Variants in ABCA1 observed in about 807,000 individuals in gnomAD.
ABCA1 encodes the protein ATP binding cassette subfamily A member 1, also known as phospholipid-transporting ATPase ABCA1.
A neutral mutation model predicts 262.5 loss-of-function variants in ABCA1; 133 were observed. The ratio of observed to expected loss-of-function variants is 0.51; its 90% confidence interval spans 0.44 to 0.59. The LOEUF is 0.59. Among genes scored for constraint, ABCA1 ranks in the 20% least tolerant of loss-of-function variants. ABCA1 has a pLI of 0.00. For synonymous variants in ABCA1, 1,022 were observed against 1,043.5 expected (o/e 0.98, Z 0.40); for missense variants, 2,452 against 2,777.5 (o/e 0.88, Z 2.63).
chr9:104,786,805 A>G, intron 47 of ABCA1, 68 bp downstream of exon 47: 1 of 1,359,370 alleles, frequency 7.4e-7, no homozygotes, highest in South Asian at 1.2e-5. Flanking sequence ...TTTTTACAAA[A>G]TGATCGCATA....
chr9:104,901,381 G>GACTAGACTACC (rs1840656314), intron 2 of ABCA1, among the ~76,000 whole-genome samples: 1 of 152,058 alleles, frequency 6.6e-6, no homozygotes, highest in African/African-American at 2.4e-5. Flanking sequence ...AAGAGGTTCA[G>GACTAGACTACC]ACTAGACTAC....
At chr9:104,896,711 CTTTTTTTTTTTTTTTTTTT>C (rs56710442) in intron 2 of ABCA1, among the ~76,000 whole-genome samples, 40 of 37,010 alleles carry the variant, frequency 1.1e-3, no homozygotes, top group African/African-American at 3.5e-3. Flanking sequence ...CCCTACACAT[CTTTTTTTTTTTTTTTTTTT>C]TTTTTTTTTT....
chr9:104,888,336 G>A (rs1456663844), intron 3 of ABCA1, among the ~76,000 whole-genome samples: 4 of 152,106 alleles, frequency 2.6e-5, no homozygotes, highest in African/African-American at 4.8e-5. Flanking sequence ...TCCCAGCTAC[G>A]TAAATGTTGA....
intron 11 of ABCA1, among the ~76,000 whole-genome samples, chr9:104,834,735 AAG>A (rs1352397858): frequency 7.5e-6 from 1 of 133,486 alleles, no homozygotes; most frequent in African/African-American, 2.7e-5. Context: ...CAGCTCAGAA[AAG>A]AGAGCAAATC....
rs1393174280 is a variant in ABCA1 at position 104,837,088 on chromosome 9, C to A, written c.1203G>T (p.Lys401Asn). ...ATRQVMAEVN[K>N]TFQELAVFHD... ...GGAACACAGCCAGTTCCTGGAAGGT[C>A]TTGTTCACCTGGAGTCAGGTGGGGA... The change falls in exon 11 of 50, where the codon AAG becomes AAT. Residue 401 changes from lysine (K) to asparagine (N), a missense_variant. Physicochemically the swap from Lys to Asn is moderately conservative, Grantham distance 94 (BLOSUM62 0). This residue lies in a region of ABCA1 where 1,032 missense variants were observed against 1,089.7 expected (regional missense o/e 0.95). Transcript: ENST00000374736. 6.2e-7 allele frequency: 1 copy of A among 1,613,042 alleles called. No individual in the cohort carries two copies. The highest frequency in any genetic ancestry group is 1.1e-5 in the South Asian group (1 of 91,036).
Position 104,794,512 on chromosome 9 carries a change from TAAAAAAAAA to T in ABCA1, c.5383-11_5383-3del. The T allele has an allele frequency of 7.8e-7, 1 of 1,288,030 alleles. No homozygotes were observed. Among genetic ancestry groups the T allele is most frequent in the Non-Finnish European group, 1.0e-6 (1 of 972,906 alleles). 79.8% of individuals were successfully genotyped at this position (1,288,030 alleles called of 1,614,324 possible). On this transcript the variant is annotated splice_polypyrimidine_tract_variant and splice_region_variant and intron_variant, in intron 39 of 49. Transcript: ENST00000374736. Reference sequence around the variant, plus strand: ...GATATCATTGATATTATTCAGCTTCTAAAAAAAAAAAAAAAAAATGGGAGGGAAGGGAGG... The same window carrying T: ...GATATCATTGATATTATTCAGCTTCTAAAAAAAAATGGGAGGGAAGGGAGG...
rs769498433 is a variant in ABCA1, at chr9:104,827,017, C to T, written c.2268G>A (p.Thr756=). The T allele has an allele frequency of 1.9e-5, 31 of 1,614,020 alleles. No homozygotes were observed. Among genetic ancestry groups the T allele is most frequent in the Non-Finnish European group, 2.5e-5 (30 of 1,180,032 alleles). ...AAACGGIIYF[T]LYLPYVLCVA... is the part of the protein sequence containing the mutation. The stretch of plus-strand genomic sequence containing the variant: ...CACACAGGACGTAGGGCAGGTACAG[C>T]GTGAAGTAGATGATGCCCCCACAGG... Residue 756 remains threonine (T), a synonymous_variant, in exon 16 of 50, where the codon ACG becomes ACA. Transcript: ENST00000374736.
intron 3 of ABCA1, among the ~76,000 whole-genome samples, chr9:104,885,693 G>A (rs961864698): frequency 6.6e-5 from 10 of 152,086 alleles, no homozygotes; most frequent in East Asian, 1.9e-4. Flanking sequence ...TTTGGTTTGC[G>A]GCCGTAATAC....
chr9:104,783,794 A>G lies in ABCA1; in HGVS notation c.*521T>C, dbSNP rs1357630448. ...TGAGCATGACACACCATGGTGCTTC[A>G]AACTTTCTGAAAAACTTGGCACTAA... On this transcript the variant is annotated 3_prime_UTR_variant, in exon 50 of 50. Transcript: ENST00000374736. The G allele has an allele frequency of 6.1e-6, 1 of 164,608 alleles. No individual in the cohort carries two copies. Among genetic ancestry groups the G allele is most frequent in the African/African-American group, 2.4e-5 (1 of 41,542 alleles). 10.2% of individuals were successfully genotyped at this position (164,608 alleles called of 1,614,324 possible).
intron 2 of ABCA1, among the ~76,000 whole-genome samples, chr9:104,893,421 CAAAAAA>C (rs34544647): frequency 1.1e-4 from 4 of 35,264 alleles, no homozygotes; most frequent in Admixed American, 3.9e-4. Flanking sequence ...GACTTCACCT[CAAAAAA>C]AAAAAAAAAA....
chr9:104,856,436 C>G (rs1192572155), intron 7 of ABCA1, among the ~76,000 whole-genome samples: 2 of 152,126 alleles, frequency 1.3e-5, no homozygotes, highest in Non-Finnish European at 1.5e-5. Flanking sequence ...TGGTCATAAA[C>G]CAACGCATCC....
rs148314522 is a variant in ABCA1, at chr9:104,832,745, G to A, written c.1338C>T (p.Asp446=). The stretch of plus-strand genomic sequence containing the variant: ...CATCCAACTGCTGTTCCCAAAAGTG[G>A]TCATTGTCCCTGCTGTCCAACAGCA... The part of the protein sequence containing the change: ...VRMLLDSRDN[D]HFWEQQLDGL... The change falls in exon 12 of 50, where the codon GAC becomes GAT. Residue 446 remains aspartate, a synonymous_variant. Coordinates refer to ENST00000374736, the MANE Select transcript of ABCA1 (RefSeq NM_005502.4). 8.1e-6 allele frequency: 13 copies of A among 1,614,076 alleles called. No individual in the cohort carries two copies. The highest frequency in any genetic ancestry group is 2.2e-5 in the South Asian group (2 of 91,084).
chr9:104,844,251 C>A (rs1487573046), intron 8 of ABCA1, among the ~76,000 whole-genome samples: 1 of 151,690 alleles, frequency 6.6e-6, no homozygotes, highest in African/African-American at 2.4e-5. Flanking sequence ...AAAACAGTTT[C>A]TCTTTCTCAT....
At chr9:104,818,600 C>T in intron 23 of ABCA1, 63 bp downstream of exon 23, 1 of 1,482,394 alleles carries the variant, frequency 6.7e-7, no homozygotes, top group Non-Finnish European at 9.4e-7. Flanking sequence ...AGAAATCATT[C>T]ACAGCCAGCA....
intron 1 of ABCA1, among the ~76,000 whole-genome samples, chr9:104,914,542 TC>T: frequency 6.6e-6 from 1 of 151,448 alleles, no homozygotes; most frequent in East Asian, 2.0e-4. Context: ...TTATAATTCC[TC>T]CATCTTTTCA....
At chr9:104,855,675 T>C in intron 7 of ABCA1, 3 of 1,491,852 alleles carry the variant, frequency 2.0e-6, no homozygotes, top group South Asian at 2.8e-5. Context: ...ATTATGTGTA[T>C]GTAGAAGAAG....
At chr9:104,787,100 T>C (rs1828997101) in intron 46 of ABCA1, 124 bp from the exon 47 acceptor site, 2 of 735,254 alleles carry the variant, frequency 2.7e-6, no homozygotes, top group Non-Finnish European at 2.2e-6. Flanking sequence ...TAGTTATTTC[T>C]TGATGAATCA....
At chr9:104,818,629 C>A in intron 23 of ABCA1, 34 bp downstream of exon 23, 4 of 1,603,154 alleles carry the variant, frequency 2.5e-6, no homozygotes, top group Non-Finnish European at 3.4e-6. Flanking sequence ...CTGCCCAGAC[C>A]CAACACCAGC....
In ABCA1 at chr9:104,824,823, G is replaced by A. The variant is rs559229371; in HGVS notation, c.2543-245C>T. Reference sequence around the variant, plus strand: ...TCCCCATTTTAGAGATGAGGAAACTGAGGGATAAGGAGCCTATCCAAGGTC... The same window carrying A: ...TCCCCATTTTAGAGATGAGGAAACTAAGGGATAAGGAGCCTATCCAAGGTC... On this transcript the variant is annotated intron_variant, in intron 17 of 49. Transcript: ENST00000374736. Among the ~76,000 whole-genome samples the A allele has an allele frequency of 2.6e-5, 4 of 152,326 alleles. No homozygotes were observed. In the East Asian group the frequency reaches 7.7e-4, roughly 29 times the overall value.
Sources: gnomAD v4.1 joint callset for allele counts (sites outside exome capture counted in the v4.1 genomes callset) on GRCh38, gnomAD v4.1.1 for gene constraint, gnomAD v4.1.1 regional missense constraint, MANE v1.5 for transcripts, NCBI Gene and HGNC (gene_info 2026-07-23, HGNC 2026-07-21) for gene names.